SVOPL: variants seen among roughly 807,000 people sequenced by gnomAD.
SVOPL encodes SVOP like.
Under a neutral mutation model 61.0 loss-of-function variants are expected in SVOPL, and 60 were observed. That is an observed-to-expected ratio of 0.98 (90% CI 0.80 to 1.22). The LOEUF (loss-of-function observed/expected upper bound fraction) is 1.22. Ranked by LOEUF, SVOPL falls within the 50% of genes most tolerant of loss-of-function variation. SVOPL has a pLI of 0.00. For missense variants in SVOPL, 662 were observed against 643.9 expected, an observed-to-expected ratio of 1.03 and a Z score of -0.30; for synonymous variants, 279 against 250.0, an observed-to-expected ratio of 1.12 and a Z score of -1.09.
Position 138,594,635 on chromosome 7 carries a change from A to G in SVOPL, c.1468-14T>C. 6.3e-7 allele frequency: 1 copy of G among 1,591,870 alleles called. No individual in the cohort carries two copies. The highest frequency in any genetic ancestry group is 8.6e-7 in the Non-Finnish European group (1 of 1,167,796). ...TCATTTAATTTGCTGGAAGAAAGTT[A>G]TTTAATAGATCAGTAATAGACTTTT... On this transcript the variant is annotated splice_polypyrimidine_tract_variant and intron_variant, in intron 15 of 15. Transcript: ENST00000674285.
intron 6 of SVOPL, 63 bp from the exon 7 acceptor site, chr7:138,656,574 T>C (rs1801744151): frequency 1.2e-5 from 18 of 1,560,280 alleles, no homozygotes; most frequent in Non-Finnish European, 1.4e-5. Context: ...TTTTAAAAAA[T>C]AATCAGTTTT....
At chr7:138,605,581 G>C (rs1798720055) in intron 14 of SVOPL, among the ~76,000 whole-genome samples, 1 of 142,340 alleles carries the variant, frequency 7.0e-6, no homozygotes, top group South Asian at 2.3e-4. Context: ...AGAATCGCTT[G>C]AACCTGGGAG....
chr7:138,690,809 G>C lies in SVOPL; in HGVS notation c.-35+10369C>G, dbSNP rs1705482959. 2.6e-5 allele frequency among the ~76,000 whole-genome samples: 4 copies of C among 152,024 alleles called. No homozygotes were observed. The South Asian group carries it at 8.3e-4, about 32-fold the overall frequency. On this transcript the variant is annotated intron_variant, in intron 1 of 15. Transcript: ENST00000674285. ...TTTTAATGGGACAGAGTCTCACTCT[G>C]TTGCCCAGGCTGGAGTGCAGTGGCG...
chr7:138,624,593 T>G (rs1268497221), intron 13 of SVOPL, among the ~76,000 whole-genome samples: 2 of 152,170 alleles, frequency 1.3e-5, no homozygotes, highest in African/African-American at 4.8e-5. Flanking sequence ...CATCTTGATA[T>G]ATCAAGTCAA....
At chr7:138,606,010 T>TAA (rs200384998) in intron 14 of SVOPL, among the ~76,000 whole-genome samples, 34,467 of 147,376 alleles carry the variant, frequency 0.23, 4,602 homozygotes, top group East Asian at 0.36. Context: ...TTTTTCTATT[T>TAA]AAAAAAAAAA....
chr7:138,611,864 T>A (rs1322499666), intron 14 of SVOPL, among the ~76,000 whole-genome samples: 2 of 79,036 alleles, frequency 2.5e-5, no homozygotes, highest in African/African-American at 4.3e-5. Context: ...GATTGCAGCC[T>A]CTGCCCGGCC....
At chr7:138,642,105 T>C (rs1800834279) in intron 9 of SVOPL, among the ~76,000 whole-genome samples, 1 of 151,186 alleles carries the variant, frequency 6.6e-6, no homozygotes, top group Non-Finnish European at 1.5e-5. Flanking sequence ...ATAACATAGC[T>C]AACAGATAAT....
chr7:138,602,860 G>C (rs1798589766), intron 14 of SVOPL, among the ~76,000 whole-genome samples: 1 of 151,982 alleles, frequency 6.6e-6, no homozygotes. Context: ...CTCTTGGTGT[G>C]TGTTCGTGTC....
chr7:138,623,462 T>C (rs1353492819), intron 13 of SVOPL, among the ~76,000 whole-genome samples: 2 of 152,028 alleles, frequency 1.3e-5, no homozygotes, highest in African/African-American at 2.4e-5. Context: ...TAGCCGGGCG[T>C]GGTGGCGGGC....
intron 1 of SVOPL, among the ~76,000 whole-genome samples, chr7:138,695,536 G>A (rs941644098): frequency 1.3e-5 from 2 of 152,114 alleles, no homozygotes; most frequent in Admixed American, 1.3e-4. Flanking sequence ...AAATATTCAG[G>A]TATGACAAAT....
intron 12 of SVOPL, 60 bp from the exon 13 acceptor site, chr7:138,626,110 G>GT: frequency 6.6e-7 from 1 of 1,518,936 alleles, no homozygotes; most frequent in Non-Finnish European, 9.1e-7. Flanking sequence ...ACCTCCAGTG[G>GT]CCCAGCTTCG....
chr7:138,599,925 G>A (rs924324509), intron 14 of SVOPL, among the ~76,000 whole-genome samples: 13 of 148,918 alleles, frequency 8.7e-5, no homozygotes, highest in Admixed American at 6.0e-4. Context: ...TCAATTTAAA[G>A]TTACATGTAA....
intron 1 of SVOPL, among the ~76,000 whole-genome samples, chr7:138,680,361 CA>C (rs1563136645): frequency 6.6e-6 from 1 of 152,126 alleles, no homozygotes; most frequent in Non-Finnish European, 1.5e-5. Context: ...GTTGGCCAGG[CA>C]GGTCCCAAAC....
chr7:138,622,046 C>CTATCTATG (rs1799630865), intron 13 of SVOPL, among the ~76,000 whole-genome samples: 2 of 68,696 alleles, frequency 2.9e-5, no homozygotes, highest in Admixed American at 1.4e-4. Context: ...ATGTATCTAT[C>CTATCTATG]TATCTATGTA....
intron 5 of SVOPL, chr7:138,660,400 A>G (rs1252454160): frequency 3.0e-6 from 3 of 985,864 alleles, no homozygotes; most frequent in Non-Finnish European, 3.6e-6. Context: ...AGTAAACAAT[A>G]CAGAAGAAAA....
chr7:138,674,058 T>G (rs1056797225), intron 3 of SVOPL, among the ~76,000 whole-genome samples: 6 of 151,828 alleles, frequency 4.0e-5, no homozygotes, highest in Admixed American at 1.3e-4. Context: ...CGTGGTGGCA[T>G]GTGCCTATAA....
intron 1 of SVOPL, among the ~76,000 whole-genome samples, chr7:138,694,808 G>A (rs1037051377): frequency 4.0e-5 from 6 of 151,854 alleles, no homozygotes; most frequent in Non-Finnish European, 7.4e-5. Context: ...CAATGGTCTT[G>A]GCTCACTGCA....
intron 5 of SVOPL, chr7:138,660,880 TC>T: frequency 1.0e-6 from 1 of 985,350 alleles, no homozygotes; most frequent in Non-Finnish European, 1.2e-6. Flanking sequence ...CATGAAAATG[TC>T]CATTTCAACG....
At chr7:138,681,153 T>G (rs1260906318) in intron 1 of SVOPL, among the ~76,000 whole-genome samples, 2 of 149,458 alleles carry the variant, frequency 1.3e-5, no homozygotes, top group African/African-American at 4.9e-5. Flanking sequence ...GAAAGAGATA[T>G]GAAATTATTA....
Sources: gnomAD v4.1 joint callset for allele counts (sites outside exome capture counted in the v4.1 genomes callset) on GRCh38, gnomAD v4.1.1 for gene constraint, MANE v1.5 for transcripts, NCBI Gene and HGNC (gene_info 2026-07-23, HGNC 2026-07-21) for gene names.